Variants in WDR5 observed in about 807,000 individuals in gnomAD.
WDR5 encodes WD repeat domain 5.
For missense variants in WDR5, 187 were observed against 416.9 expected, an observed-to-expected ratio of 0.45 and a Z score of 4.80; for synonymous variants, 144 against 161.6, an observed-to-expected ratio of 0.89 and a Z score of 0.83.
rs777972635 is a variant in WDR5, at chr9:134,142,049, C to T, written c.354+11C>T. ...TGGGACGTGAGCTCGGTAAGTGACA[C>T]TCAGTGCTTCTCTCCAGGGGAGACC... On this transcript the variant is annotated intron_variant, in intron 5 of 13. Transcript: ENST00000358625. 23 of 1,612,676 alleles carry T rather than the reference C, an allele frequency of 1.4e-5. No homozygotes were observed. The highest frequency in any genetic ancestry group is 1.6e-5 in the Non-Finnish European group (19 of 1,178,912).
chr9:134,155,811 C>A, intron 12 of WDR5, 44 bp downstream of exon 12: 1 of 1,585,644 alleles, frequency 6.3e-7, no homozygotes, highest in Non-Finnish European at 8.6e-7. Context: ...TCCCAGCTTA[C>A]TCTCCCGAGA....
At chr9:134,154,583 C>T (rs1170025695) in intron 10 of WDR5, 42 bp downstream of exon 10, 1 of 1,603,778 alleles carries the variant, frequency 6.2e-7, no homozygotes, top group African/African-American at 1.3e-5. Context: ...ATGTGGCCTC[C>T]CCAGCCAGAG....
chr9:134,140,870 G>A (rs970588403), intron 3 of WDR5, 59 bp downstream of exon 3: 1 of 1,526,648 alleles, frequency 6.6e-7, no homozygotes, highest in Non-Finnish European at 9.1e-7. Context: ...CAGACAAAAA[G>A]CTGGCGAGGG....
intron 8 of WDR5, among the ~76,000 whole-genome samples, chr9:134,150,118 G>T (rs188232491): frequency 5.3e-4 from 81 of 152,288 alleles, no homozygotes; most frequent in Non-Finnish European, 7.5e-4. Flanking sequence ...TGCTACCTAA[G>T]CCTTGATTGC....
chr9:134,141,293 C>G (rs1831873735), intron 3 of WDR5, among the ~76,000 whole-genome samples: 1 of 152,006 alleles, frequency 6.6e-6, no homozygotes, highest in Non-Finnish European at 1.5e-5. Flanking sequence ...CTCAGAAAAA[C>G]AAAAGAAGAA....
intron 5 of WDR5, 51 bp from the exon 6 acceptor site, chr9:134,142,282 T>TA (rs754196472): frequency 3.8e-6 from 6 of 1,570,918 alleles, no homozygotes; most frequent in South Asian, 1.1e-5. Flanking sequence ...ACCTGACTCT[T>TA]ACGTTTGGGG....
chr9:134,154,654 G>C (rs28694247), intron 10 of WDR5, 113 bp downstream of exon 10: 1 of 1,222,888 alleles, frequency 8.2e-7, no homozygotes, highest in Non-Finnish European at 1.2e-6. Flanking sequence ...CGGGATCCAG[G>C]CTCCTGGTGG....
chr9:134,152,146 G>A, intron 9 of WDR5, 117 bp downstream of exon 9: 1 of 1,225,432 alleles, frequency 8.2e-7, no homozygotes, highest in Non-Finnish European at 1.1e-6. Flanking sequence ...CGCCCCTGCA[G>A]GAGGAACCTT....
At chr9:134,155,062 G>A (rs2132584204) in intron 10 of WDR5, among the ~76,000 whole-genome samples, 1 of 152,316 alleles carries the variant, frequency 6.6e-6, no homozygotes, top group Non-Finnish European at 1.5e-5. Flanking sequence ...ACCCTTTTGA[G>A]GATGACCCGA....
At chr9:134,139,165 A>C (rs1831743086) in intron 1 of WDR5, among the ~76,000 whole-genome samples, 1 of 152,218 alleles carries the variant, frequency 6.6e-6, no homozygotes, top group Non-Finnish European at 1.5e-5. Flanking sequence ...AAATTCCAGC[A>C]GGCAGAGCTG....
Position 134,155,749 on chromosome 9 carries a change from C to T in WDR5, c.798C>T (p.Phe266=). 1 of 1,614,144 alleles carries T rather than the reference C, an allele frequency of 6.2e-7. No individual in the cohort carries two copies. Among genetic ancestry groups the T allele is most frequent in the Non-Finnish European group, 8.5e-7 (1 of 1,180,028 alleles). The change falls in exon 12 of 14, where the codon TTC becomes TTT. Residue 266 remains phenylalanine, a synonymous_variant. Transcript: ENST00000358625. ...KNEKYCIFAN[F]SVTGGKWIVS... ...AGAAATACTGCATATTTGCCAATTT[C>T]TCTGTTACTGGTGGGAAGGTGAGTC...
Position 134,147,863 on chromosome 9 carries a change from GA to G in WDR5, c.529-415del, listed in dbSNP as rs111446940. Among the ~76,000 whole-genome samples the G allele has an allele frequency of 7.5e-3, 1,108 of 147,638 alleles. 12 individuals carry two copies. The highest frequency in any genetic ancestry group is 0.026 in the African/African-American group (1,049 of 40,334). On this transcript the variant is annotated intron_variant, in intron 7 of 13. Transcript: ENST00000358625. ...AGGGAGACCCTGTTTCTCTTATGAA[GA>G]AAAAAAAAAGGGTGGGCGCGGTGCC... is the stretch of plus-strand genomic sequence containing the variant.
chr9:134,155,992 T>G (rs1354786602), intron 12 of WDR5, among the ~76,000 whole-genome samples: 6 of 152,218 alleles, frequency 3.9e-5, no homozygotes, highest in Admixed American at 6.5e-5. Context: ...CGGGCTTTGC[T>G]GGCAGTGCTT....
rs979587416 is a variant in WDR5, at chr9:134,140,601, A to G, written c.82-102A>G. On this transcript the variant is annotated intron_variant, in intron 2 of 13. Coordinates refer to ENST00000358625, the MANE Select transcript of WDR5 (RefSeq NM_017588.3). ...ACTGGGCATGTGGATTTGGAGCTCT[A>G]AAGATCTGAGCTGAAATTAAATGGT... 5 of 961,720 alleles carry G rather than the reference A, an allele frequency of 5.2e-6. No individual in the cohort carries two copies. In the African/African-American group the frequency reaches 6.4e-5, roughly 12 times the overall value. 59.6% of individuals were successfully genotyped at this position (961,720 alleles called of 1,614,324 possible). A position where few individuals can be genotyped will look rare whatever the true frequency, so the allele number is the denominator to read the frequency against.
intron 1 of WDR5, among the ~76,000 whole-genome samples, chr9:134,139,336 G>C (rs1044568123): frequency 6.6e-6 from 1 of 152,220 alleles, no homozygotes; most frequent in African/African-American, 2.4e-5. Flanking sequence ...CCGTGCTTGT[G>C]TTTTCAAACG....
intron 7 of WDR5, 57 bp downstream of exon 7, chr9:134,142,776 G>T: frequency 6.4e-7 from 1 of 1,568,096 alleles, no homozygotes; most frequent in Non-Finnish European, 8.8e-7. Context: ...TCTGACATCG[G>T]ATGTGGCCAG....
rs1832818308 is a variant in WDR5, at chr9:134,157,829, T to TGGGATGGCGTCCCCGACCCAGGCGCA, written c.905-55_905-30dup. Reference sequence around the variant, plus strand: ...TTCTGGAGAAAGGTGGAGCTCAGTCTGGGATGGCGTCCCCGACCCAGGCGC... The same window carrying TGGGATGGCGTCCCCGACCCAGGCGCA: ...TTCTGGAGAAAGGTGGAGCTCAGTCTGGGATGGCGTCCCCGACCCAGGCGCAGGGATGGCGTCCCCGACCCAGGCGC... On this transcript the variant is annotated intron_variant, in intron 13 of 13. Coordinates refer to ENST00000358625, the MANE Select transcript of WDR5 (RefSeq NM_017588.3). This position sits in a 1 kb window ranked among gnomAD's most constrained non-coding sequence, Gnocchi z 5.0. The TGGGATGGCGTCCCCGACCCAGGCGCA allele has an allele frequency of 1.3e-6, 2 of 1,520,994 alleles. No individual in the cohort carries two copies. Among genetic ancestry groups the TGGGATGGCGTCCCCGACCCAGGCGCA allele is most frequent in the Non-Finnish European group, 1.8e-6 (2 of 1,098,292 alleles). 94.2% of individuals were successfully genotyped at this position (1,520,994 alleles called of 1,614,324 possible).
chr9:134,145,811 C>T (rs1488423839), intron 7 of WDR5, among the ~76,000 whole-genome samples: 1 of 152,200 alleles, frequency 6.6e-6, no homozygotes, highest in African/African-American at 2.4e-5. Flanking sequence ...TTTTTCCTGC[C>T]CTGGAGCTTC....
At chr9:134,140,065 T>C in intron 2 of WDR5, 107 bp downstream of exon 2, 1 of 1,289,390 alleles carries the variant, frequency 7.8e-7, no homozygotes, top group Non-Finnish European at 1.1e-6. Flanking sequence ...CAGTTAAATG[T>C]CACTGCTAAT....
Sources: allele counts gnomAD v4.1 joint callset (sites outside exome capture counted in the v4.1 genomes callset), GRCh38; gene constraint gnomAD v4.1.1; non-coding constraint Gnocchi (gnomAD v3.1); transcripts MANE v1.5; gene names NCBI Gene and HGNC (gene_info 2026-07-23, HGNC 2026-07-21).